CPT1B: variants seen among roughly 807,000 people sequenced by gnomAD.
The protein encoded by CPT1B is carnitine palmitoyltransferase 1B, also known as carnitine O-palmitoyltransferase 1, muscle isoform.
Under a neutral mutation model 92.7 loss-of-function variants are expected in CPT1B, and 57 were observed. That is an observed-to-expected ratio of 0.62 (90% CI 0.50 to 0.77). CPT1B has a LOEUF of 0.77. Ranked by LOEUF, CPT1B falls within the 30% of genes least tolerant of loss-of-function variation. The pLI is 0.00. For missense variants in CPT1B, 983 were observed against 1,017.4 expected, an observed-to-expected ratio of 0.97 and a Z score of 0.46; for synonymous variants, 398 against 383.5, an observed-to-expected ratio of 1.04 and a Z score of -0.44.
chr22:50,569,133 A>G, intron 19 of CPT1B, 52 bp from the exon 20 acceptor site: 1 of 527,666 alleles, frequency 1.9e-6, no homozygotes, highest in Non-Finnish European at 3.4e-6. Context: ...CAAGAAAAAA[A>G]AAAATCAAAA....
chr22:50,577,124 G>T, intron 3 of CPT1B, 90 bp from the exon 4 acceptor site: 1 of 1,483,058 alleles, frequency 6.7e-7, no homozygotes, highest in Non-Finnish European at 9.3e-7. Context: ...CCAAGGGGAA[G>T]AACCTCCCTG....
chr22:50,569,605 T>A lies in CPT1B; in HGVS notation c.2206A>T (p.Ile736Phe). 1.2e-6 allele frequency: 2 copies of A among 1,613,978 alleles called. No individual in the cohort carries two copies. Among genetic ancestry groups the A allele is most frequent in the South Asian group, 2.2e-5 (2 of 91,076 alleles). Residue 736 changes from isoleucine to phenylalanine, a missense_variant, in exon 18 of 20, where the codon ATC (isoleucine) becomes TTC (phenylalanine). Ile to Phe is a conservative substitution (Grantham distance 21, BLOSUM62 0). Coordinates refer to ENST00000312108, the MANE Select transcript of CPT1B (RefSeq NM_152246.3). ...TCTGAGCTTGAGAACTTGCTGGAGA[T>A]GTGGAAGAAGATCGTGTTCTCGCCT... is the stretch of plus-strand genomic sequence containing the variant. The part of the protein sequence containing the change: ...IAGENTIFFH[I>F]SSKFSSSETN...
upstream of CPT1B, chr22:50,578,572 C>A (rs2065749667): frequency 6.3e-6 from 1 of 157,766 alleles, no homozygotes; most frequent in African/African-American, 2.4e-5. Context: ...AATTGCAGGG[C>A]GCGGCTGGGT....
At position 50,572,943 on chromosome 22, in the gene CPT1B, A is replaced by G. The variant is rs775080587; in HGVS notation, c.1284T>C (p.Tyr428=). 2 of 1,613,856 alleles carry G rather than the reference A, an allele frequency of 1.2e-6. No individual in the cohort carries two copies. The highest frequency in any genetic ancestry group is 1.7e-6 in the Non-Finnish European group (2 of 1,179,858). ...FVALDEESYS[Y]DPEDEASLSL... ...TGAGGCTGGCCTCATCTTCGGGGTC[A>G]TAGGAGTAGGATTCCTCATCCAGGG... The change falls in exon 11 of 20, where the codon TAT becomes TAC. Residue 428 remains tyrosine, a synonymous_variant. Coordinates refer to ENST00000312108, the MANE Select transcript of CPT1B (RefSeq NM_152246.3).
At chr22:50,576,466 C>A in intron 5 of CPT1B, 70 bp downstream of exon 5, 1 of 1,600,900 alleles carries the variant, frequency 6.2e-7, no homozygotes, top group Non-Finnish European at 8.5e-7. Flanking sequence ...TTGCACAGAA[C>A]CTTATATTTG....
chr22:50,575,580 G>A (rs538391859), intron 7 of CPT1B, among the ~76,000 whole-genome samples: 1 of 152,310 alleles, frequency 6.6e-6, no homozygotes, highest in Admixed American at 6.5e-5. Flanking sequence ...ATGGGGCAGA[G>A]GCAGACTGAC....
At position 50,573,568 on chromosome 22, in the gene CPT1B, G is replaced by T. The variant is rs748743693; in HGVS notation, c.1118C>A (p.Pro373Gln). The part of the protein sequence containing the change: ...QFQRILDDPS[P>Q]PQPGEEKLAA... ...CAGCTTCTCCTCCCCAGGCTGAGGT[G>T]GGGAGGGGTCGTCCAGGATCCTCTG... The change falls in exon 10 of 20, where the codon CCA becomes CAA. Residue 373 changes from proline to glutamine, a missense_variant. Pro to Gln is a moderately conservative substitution (Grantham distance 76). Transcript: ENST00000312108. This position sits in a 1 kb window ranked among gnomAD's most constrained non-coding sequence, Gnocchi z 5.0. 3 of 1,613,558 alleles carry T rather than the reference G, an allele frequency of 1.9e-6. 1 individual carries two copies. The South Asian group carries it at 3.3e-5, about 18-fold the overall frequency.
At chr22:50,569,126 GAA>G (rs372720822) in intron 19 of CPT1B, 45 bp from the exon 20 acceptor site, 17 of 445,050 alleles carry the variant, frequency 3.8e-5, no homozygotes, top group South Asian at 1.2e-4. Flanking sequence ...TATCTATCAA[GAA>G]AAAAAAAAAT....
At chr22:50,576,412 C>G in intron 5 of CPT1B, 77 bp from the exon 6 acceptor site, 1 of 1,607,426 alleles carries the variant, frequency 6.2e-7, no homozygotes, top group Non-Finnish European at 8.5e-7. Context: ...CCACCTCTCC[C>G]TCCTCACCCA....
chr22:50,577,088 G>C, intron 3 of CPT1B, 54 bp from the exon 4 acceptor site: 1 of 1,593,410 alleles, frequency 6.3e-7, no homozygotes, highest in Non-Finnish European at 8.6e-7. Context: ...AGCCTCGGGT[G>C]GCTGTGAACT....
intron 1 of CPT1B, 198 bp downstream of exon 1, chr22:50,578,188 C>A (rs566489836): frequency 3.8e-5 from 6 of 159,390 alleles, no homozygotes; most frequent in African/African-American, 1.4e-4. Context: ...CGAAGGGCAG[C>A]CTGGAGTTGG....
intron 4 of CPT1B, 65 bp downstream of exon 4, chr22:50,576,792 A>G (rs2070459181): frequency 8.8e-6 from 14 of 1,599,088 alleles, no homozygotes; most frequent in Admixed American, 1.7e-5. Context: ...TCTAGCTCAG[A>G]ACCCCAAAGG....
chr22:50,577,726 G>C, intron 2 of CPT1B, 49 bp downstream of exon 2: 2 of 1,601,144 alleles, frequency 1.2e-6, no homozygotes, highest in Non-Finnish European at 1.7e-6. Flanking sequence ...GCGCTTAACA[G>C]CTGACAGCCG....
Position 50,572,986 on chromosome 22 carries a change from C to A in CPT1B, c.1241G>T (p.Arg414Leu). 5 of 1,613,664 alleles carry A rather than the reference C, an allele frequency of 3.1e-6. No homozygotes were observed. Among genetic ancestry groups the A allele is most frequent in the Non-Finnish European group, 4.2e-6 (5 of 1,179,840 alleles). The stretch of plus-strand genomic sequence containing the variant: ...ATCCAGGGCCACGAAGAAAGCGGCA[C>A]GCTCGATGGCCTCCAAGGCAGCCTT... ...KNKAALEAIE[R>L]AAFFVALDEE... Residue 414 changes from arginine (R) to leucine (L), a missense_variant, in exon 11 of 20, where the codon CGT (arginine) becomes CTT (leucine). Arg to Leu is a moderately radical substitution (Grantham distance 102). Transcript: ENST00000312108.
rs773065581 is a variant in CPT1B at position 50,574,499 on chromosome 22, G to C, written c.879C>G (p.Ile293Met). 1.2e-6 allele frequency: 2 copies of C among 1,614,058 alleles called. No individual in the cohort carries two copies. The highest frequency in any genetic ancestry group is 1.7e-5 in the Admixed American group (1 of 60,004). The change falls in exon 8 of 20, where the codon ATC becomes ATG. Residue 293 changes from isoleucine to methionine, a missense_variant. Coordinates refer to ENST00000312108, the MANE Select transcript of CPT1B (RefSeq NM_152246.3). ...MYRRKLDREE[I>M]KPVMALGIVP... is the part of the protein sequence containing the mutation. ...CAACCCTGACGCAACTCACAGGCTTGATTTCTTCACGGTCCAGTTTACGGC... is the reference window on the plus strand; with the variant it reads ...CAACCCTGACGCAACTCACAGGCTTCATTTCTTCACGGTCCAGTTTACGGC...
Position 50,570,969 on chromosome 22 carries a change from C to G in CPT1B, c.1950G>C (p.Gly650=). ...HQNMYRLAMT[G]AGIDRHLFCL... Reference sequence around the variant, plus strand: ...AGAAGAGGTGCCTGTCGATCCCTGCCCCGGTCATGGCCAGGCGGTACATAT... The same window carrying G: ...AGAAGAGGTGCCTGTCGATCCCTGCGCCGGTCATGGCCAGGCGGTACATAT... Residue 650 remains glycine, a synonymous_variant, in exon 16 of 20, where the codon GGG becomes GGC. Transcript: ENST00000312108. 1 of 1,614,008 alleles carries G rather than the reference C, an allele frequency of 6.2e-7. No homozygotes were observed. Among genetic ancestry groups the G allele is most frequent in the Non-Finnish European group, 8.5e-7 (1 of 1,180,030 alleles).
At position 50,570,452 on chromosome 22, in the gene CPT1B, C is replaced by T. The variant is rs559683796; in HGVS notation, c.2029-46G>A. On this transcript the variant is annotated intron_variant, in intron 16 of 19. Coordinates refer to ENST00000312108, the MANE Select transcript of CPT1B (RefSeq NM_152246.3). ...GGTCAGAGGCCACATACCCAAAGCA[C>T]CTGTCCAACACGTGGTGTCTGCGAC... 31 of 1,448,440 alleles carry T rather than the reference C, an allele frequency of 2.1e-5. No homozygotes were observed. The East Asian group carries it at 6.4e-4, about 30-fold the overall frequency. 89.7% of individuals were successfully genotyped at this position (1,448,440 alleles called of 1,614,324 possible). A position where few individuals can be genotyped will look rare whatever the true frequency, so the allele number is the denominator to read the frequency against.
In CPT1B at chr22:50,570,999, G is replaced by A; in HGVS notation, c.1920C>T (p.His640=). The change falls in exon 16 of 20, where the codon CAC becomes CAT. Residue 640 remains histidine (H), a synonymous_variant. Transcript: ENST00000312108. ...TCATGGCCAGGCGGTACATATTCTG[G>A]TGCTTCTTAGCAGCCTTCTGGAAGA... ...RDLFQKAAKK[H]QNMYRLAMTG... is the part of the protein sequence containing the mutation. The A allele has an allele frequency of 6.2e-7, 1 of 1,614,076 alleles. No homozygotes were observed. The highest frequency in any genetic ancestry group is 8.5e-7 in the Non-Finnish European group (1 of 1,180,024).
rs1304125648 is a variant in CPT1B, at chr22:50,576,310, A to G, written c.587T>C (p.Leu196Ser). 6.2e-7 allele frequency: 1 copy of G among 1,613,922 alleles called. No homozygotes were observed. Among genetic ancestry groups the G allele is most frequent in the Non-Finnish European group, 8.5e-7 (1 of 1,180,022 alleles). ...CATGCGGTAATATTCCTCATCATCCAACAAGGGGCGCACAGACTCTAGGTA... is the reference window on the plus strand; with the variant it reads ...CATGCGGTAATATTCCTCATCATCCGACAAGGGGCGCACAGACTCTAGGTA... ...QRYLESVRPL[L>S]DDEEYYRMEL... Residue 196 changes from leucine (L) to serine (S), a missense_variant, in exon 6 of 20, where the codon TTG becomes TCG. Physicochemically the swap from Leu to Ser is moderately radical, Grantham distance 145. Transcript: ENST00000312108.
Sources: allele counts gnomAD v4.1 joint callset (sites outside exome capture counted in the v4.1 genomes callset), GRCh38; gene constraint gnomAD v4.1.1; non-coding constraint Gnocchi (gnomAD v3.1); transcripts MANE v1.5; gene names NCBI Gene and HGNC (gene_info 2026-07-23, HGNC 2026-07-21).